Variants in HIP1R observed in about 807,000 individuals in gnomAD.
The protein encoded by HIP1R is huntingtin-interacting protein 1-related protein.
In HIP1R, 135 loss-of-function variants were observed where a neutral mutation model predicts 144.2. The observed-to-expected ratio is 0.94, with a 90% CI of 0.81 to 1.08. HIP1R has a LOEUF of 1.08. HIP1R is among the 50% of genes least tolerant of loss of function. The pLI is 0.00. For synonymous variants in HIP1R, 698 were observed against 612.8 expected (o/e 1.14, Z -2.05); for missense variants, 1,462 against 1,432.8 (o/e 1.02, Z -0.33).
In HIP1R at chr12:122,856,513, C is replaced by T; in HGVS notation, c.1483C>T (p.Gln495Ter). The stretch of plus-strand genomic sequence containing the variant: ...GCGGGTGAAGGAGCAGCTGGCCTTC[C>T]AGGTGGAGCAGGTGAAGCGGGAGTC... ...VARVKEQLAF[Q>*]VEQVKRESEL... The change falls in exon 16 of 32, where the codon CAG (glutamine) becomes TAG (stop). Residue 495 changes from glutamine to a stop codon, truncating the protein, a stop_gained. Transcript: ENST00000253083. LOFTEE classifies it high-confidence loss of function. 2 of 1,597,034 alleles carry T rather than the reference C, an allele frequency of 1.3e-6. No individual in the cohort carries two copies. Among genetic ancestry groups the T allele is most frequent in the Non-Finnish European group, 1.7e-6 (2 of 1,171,392 alleles).
chr12:122,856,305 C>T lies in HIP1R; in HGVS notation c.1362C>T (p.His454=), dbSNP rs1313527633. The part of the protein sequence containing the change: ...EARYNKLKEK[H]SELVHVHAEL... Reference sequence around the variant, plus strand: ...GCTACAACAAGCTGAAGGAAAAGCACAGTGAGCTCGTCCATGTGCACGCGG... The same window carrying T: ...GCTACAACAAGCTGAAGGAAAAGCATAGTGAGCTCGTCCATGTGCACGCGG... The change falls in exon 15 of 32, where the codon CAC becomes CAT. Residue 454 remains histidine (H), a synonymous_variant. Transcript: ENST00000253083. 1 of 1,613,796 alleles carries T rather than the reference C, an allele frequency of 6.2e-7. No homozygotes were observed. Among genetic ancestry groups the T allele is most frequent in the African/African-American group, 1.3e-5 (1 of 74,908 alleles).
rs748105706 is a variant in HIP1R, at chr12:122,860,143, G to A, written c.2497-5G>A. 6.9e-6 allele frequency: 11 copies of A among 1,585,626 alleles called. No individual in the cohort carries two copies. The highest frequency in any genetic ancestry group is 1.8e-5 in the Admixed American group (1 of 56,364). On this transcript the variant is annotated splice_polypyrimidine_tract_variant and splice_region_variant and intron_variant, in intron 25 of 31. Transcript: ENST00000253083. Reference sequence around the variant, plus strand: ...CACCAGTCATTGCTGTCTTGGTCTCGGCAGGCTATCCGGCTCCTGGTGACG... The same window carrying A: ...CACCAGTCATTGCTGTCTTGGTCTCAGCAGGCTATCCGGCTCCTGGTGACG...
intron 11 of HIP1R, 57 bp downstream of exon 11, chr12:122,855,462 C>T (rs1021975987): frequency 3.4e-5 from 52 of 1,546,856 alleles, no homozygotes; most frequent in African/African-American, 2.3e-4. Flanking sequence ...ATGAGGCCAA[C>T]GGGAGTGTCG....
At chr12:122,848,308 C>T (rs1338636817) in intron 2 of HIP1R, among the ~76,000 whole-genome samples, 158 bp from the exon 3 acceptor site, 1 of 152,242 alleles carries the variant, frequency 6.6e-6, no homozygotes, top group Non-Finnish European at 1.5e-5. Flanking sequence ...GCCCTAACTC[C>T]TGTCCCCTTG....
At chr12:122,834,798 T>A, upstream of HIP1R, 1 of 472,282 alleles carries the variant, frequency 2.1e-6, no homozygotes, top group Non-Finnish European at 3.6e-6. Flanking sequence ...GCGGCGTCTC[T>A]GGAAATGCAT....
At chr12:122,835,317 G>T, upstream of HIP1R, 1 of 790,162 alleles carries the variant, frequency 1.3e-6, no homozygotes, top group Non-Finnish European at 1.6e-6. Context: ...CGGGTGGAGG[G>T]GCGCGCCCTG....
chr12:122,848,134 G>A (rs376982590), intron 2 of HIP1R, 40 bp downstream of exon 2: 1 of 1,602,580 alleles, frequency 6.2e-7, no homozygotes, highest in Non-Finnish European at 8.5e-7. Flanking sequence ...GTTGGGTGTG[G>A]ATGTGGGAGC....
rs1052414391 is a variant in HIP1R, at chr12:122,855,841, A to C, written c.1066A>C (p.Ile356Leu). Residue 356 changes from isoleucine to leucine, a missense_variant, in exon 13 of 32, where the codon ATT becomes CTT. By Grantham distance (5) the Ile-to-Leu change is conservative (BLOSUM62 2). Coordinates refer to ENST00000253083, the MANE Select transcript of HIP1R (RefSeq NM_003959.3). The part of the protein sequence containing the change: ...GSVKDDRDLQ[I>L]ESLKREVEML... ...GACCTCTGTCCCCAGGGACCTCCAG[A>C]TTGAGAGCTTGAAGAGAGAGGTGGA... The C allele has an allele frequency of 6.7e-7, 1 of 1,487,218 alleles. No homozygotes were observed. Among genetic ancestry groups the C allele is most frequent in the African/African-American group, 1.4e-5 (1 of 70,686 alleles). 92.1% of individuals were successfully genotyped at this position (1,487,218 alleles called of 1,614,324 possible). A position where few individuals can be genotyped will look rare whatever the true frequency, so the allele number is the denominator to read the frequency against.
At position 122,861,057 on chromosome 12, in the gene HIP1R, A is replaced by T; in HGVS notation, c.2890+18A>T. ...GGACAGAGGTGAGTGCCAGATGCCAACGGGGGCTGCTGGCTCCCGAGGCTG... is the reference window on the plus strand; with the variant it reads ...GGACAGAGGTGAGTGCCAGATGCCATCGGGGGCTGCTGGCTCCCGAGGCTG... On this transcript the variant is annotated intron_variant, in intron 29 of 31. Coordinates refer to ENST00000253083, the MANE Select transcript of HIP1R (RefSeq NM_003959.3). 1 of 1,613,530 alleles carries T rather than the reference A, an allele frequency of 6.2e-7. No homozygotes were observed. Among genetic ancestry groups the T allele is most frequent in the Admixed American group, 1.7e-5 (1 of 60,014 alleles).
At position 122,859,908 on chromosome 12, in the gene HIP1R, C is replaced by T. The variant is rs1356827542; in HGVS notation, c.2465+78C>T. 7 of 1,503,072 alleles carry T rather than the reference C, an allele frequency of 4.7e-6. No homozygotes were observed. The African/African-American group carries it at 8.3e-5, about 18-fold the overall frequency. The allele number at this position is 1,503,072 out of a possible 1,614,324, so 93.1% of individuals were successfully genotyped here. On this transcript the variant is annotated intron_variant, in intron 24 of 31. Transcript: ENST00000253083. The stretch of plus-strand genomic sequence containing the variant: ...CCCTAAGGTTCTGCCCCCAACTGTT[C>T]TGCTCACGGGAAAGGAAGGCCTGGC...
chr12:122,841,992 A>G (rs2135633876), intron 1 of HIP1R, among the ~76,000 whole-genome samples: 1 of 152,310 alleles, frequency 6.6e-6, no homozygotes, highest in East Asian at 1.9e-4. Context: ...GGAGCGGAGC[A>G]GTTGCCCCTG....
intron 1 of HIP1R, among the ~76,000 whole-genome samples, chr12:122,838,000 T>C (rs1353703247): frequency 6.6e-6 from 1 of 151,796 alleles, no homozygotes; most frequent in Non-Finnish European, 1.5e-5. Context: ...TTGTCTTGCA[T>C]TGACCACAGC....
At chr12:122,839,231 C>T (rs2032990273) in intron 1 of HIP1R, among the ~76,000 whole-genome samples, 1 of 152,228 alleles carries the variant, frequency 6.6e-6, no homozygotes, top group Admixed American at 6.5e-5. Context: ...GTGAGTCCTG[C>T]CTTTTCCTGA....
intron 1 of HIP1R, among the ~76,000 whole-genome samples, chr12:122,838,202 T>TC (rs2032960970): frequency 6.6e-6 from 1 of 152,060 alleles, no homozygotes; most frequent in Admixed American, 6.6e-5. Flanking sequence ...AGAGAGGCGA[T>TC]CATGTGCCTG....
chr12:122,834,919 G>A, upstream of HIP1R: 1 of 1,285,208 alleles, frequency 7.8e-7, no homozygotes, highest in Non-Finnish European at 1.0e-6. Context: ...AGGAAAAAAA[G>A]CGTCTATCTG....
At position 122,855,864 on chromosome 12, in the gene HIP1R, G is replaced by A. The variant is rs61955162; in HGVS notation, c.1089G>A (p.Val363=). The A allele has an allele frequency of 0.016, 25,313 of 1,565,626 alleles. 277 individuals are homozygous for A. Among genetic ancestry groups the A allele is most frequent in the Non-Finnish European group, 0.018 (20,671 of 1,154,674 alleles). ...AGATTGAGAGCTTGAAGAGAGAGGTGGAAATGCTCCGCTCTGAACTGGAGA... is the reference window on the plus strand; with the variant it reads ...AGATTGAGAGCTTGAAGAGAGAGGTAGAAATGCTCCGCTCTGAACTGGAGA... ...DLQIESLKRE[V]EMLRSELEKI... Residue 363 remains valine, a synonymous_variant, in exon 13 of 32, where the codon GTG becomes GTA. Coordinates refer to ENST00000253083, the MANE Select transcript of HIP1R (RefSeq NM_003959.3).
chr12:122,861,534 G>A lies in HIP1R; in HGVS notation c.3159+20G>A, dbSNP rs1223627009. 6.2e-7 allele frequency: 1 copy of A among 1,602,824 alleles called. No homozygotes were observed. The highest frequency in any genetic ancestry group is 1.1e-5 in the South Asian group (1 of 89,864). On this transcript the variant is annotated intron_variant, in intron 31 of 31. Transcript: ENST00000253083. ...CACCAGGTGCCGTCTGCACTGGGATGGGGGAGTTCCTGGACGGGGGTGCTG... is the reference window on the plus strand; with the variant it reads ...CACCAGGTGCCGTCTGCACTGGGATAGGGGAGTTCCTGGACGGGGGTGCTG...
chr12:122,857,155 CCGGGAGCAGCAG>C lies in HIP1R; in HGVS notation c.1758_1769del (p.Glu587_Arg590del), dbSNP rs1291194614. ...TGCGCGAGACAGAGGCGGCGCTGAG[CCGGGAGCAGCAG>C]CGCAGCTCCCAGGAGCAGGGCGAGT... On this transcript the variant is annotated inframe_deletion, in exon 18 of 32. Transcript: ENST00000253083. 3 of 1,550,386 alleles carry C rather than the reference CCGGGAGCAGCAG, an allele frequency of 1.9e-6. No homozygotes were observed. In the South Asian group the frequency reaches 3.6e-5, roughly 18 times the overall value.
rs1399135163 is a variant in HIP1R, at chr12:122,862,915, T to TGAA, written c.*1164_*1166dup. On this transcript the variant is annotated 3_prime_UTR_variant, in exon 32 of 32. Transcript: ENST00000253083. ...TTGGCTTTGTGTTAGCATTTCCTCC[T>TGAA]GAAGTGTTCTGTTGGCAATAAAATG... is the stretch of plus-strand genomic sequence containing the variant. 3 of 152,222 alleles carry TGAA rather than the reference T, an allele frequency of 2.0e-5. No individual in the cohort carries two copies. Among genetic ancestry groups the TGAA allele is most frequent in the African/African-American group, 7.2e-5 (3 of 41,454 alleles). The allele number at this position is 152,222 out of a possible 1,614,324, so 9.4% of individuals were successfully genotyped here. A position where few individuals can be genotyped will look rare whatever the true frequency, so the allele number is the denominator to read the frequency against.
Sources: gnomAD v4.1 joint callset for allele counts (sites outside exome capture counted in the v4.1 genomes callset) on GRCh38, gnomAD v4.1.1 for gene constraint, MANE v1.5 for transcripts, NCBI Gene and HGNC (gene_info 2026-07-23, HGNC 2026-07-21) for gene names.